HS2ST1: variants seen among roughly 807,000 people sequenced by gnomAD.
HS2ST1 encodes 2-O-sulfotransferase.
In HS2ST1, 18 loss-of-function variants were observed where a neutral mutation model predicts 42.9. That is an observed-to-expected ratio of 0.42 (90% CI 0.29 to 0.62). The LOEUF (loss-of-function observed/expected upper bound fraction) is 0.62, where lower values mean the gene tolerates loss of function less well. Ranked by LOEUF, HS2ST1 falls within the 20% of genes least tolerant of loss-of-function variation. HS2ST1 has a pLI of 0.21. For missense variants in HS2ST1, 334 were observed against 433.8 expected (o/e 0.77, Z 2.04); for synonymous variants, 146 against 152.9 (o/e 0.95, Z 0.33).
intron 1 of HS2ST1, among the ~76,000 whole-genome samples, chr1:86,949,912 C>T (rs1008214114): frequency 6.6e-6 from 1 of 152,170 alleles, no homozygotes; most frequent in East Asian, 1.9e-4. Context: ...CTTCATTTAA[C>T]CTCCCCATGG....
At chr1:86,984,638 A>G (rs1648702302) in intron 1 of HS2ST1, among the ~76,000 whole-genome samples, 1 of 152,178 alleles carries the variant, frequency 6.6e-6, no homozygotes, top group African/African-American at 2.4e-5. Context: ...TAATCCCAGC[A>G]CTTTGGGAGG....
At chr1:87,071,318 C>T (rs1651397777) in intron 1 of HS2ST1, among the ~76,000 whole-genome samples, 1 of 152,174 alleles carries the variant, frequency 6.6e-6, no homozygotes, top group Non-Finnish European at 1.5e-5. Flanking sequence ...CATTGCTTTT[C>T]ATCTTACTTT....
At chr1:86,976,721 T>TATATATATATA (rs61660936) in intron 1 of HS2ST1, among the ~76,000 whole-genome samples, 29 of 135,630 alleles carry the variant, frequency 2.1e-4, no homozygotes, top group East Asian at 9.2e-4. Flanking sequence ...TATATATATA[T>TATATATATATA]TTTAAATGCC....
At chr1:87,035,270 A>G (rs1330975794) in intron 1 of HS2ST1, among the ~76,000 whole-genome samples, 2 of 152,230 alleles carry the variant, frequency 1.3e-5, no homozygotes, top group African/African-American at 4.8e-5. Context: ...TTACAGCAGC[A>G]GTAGGAACTA....
chr1:87,065,376 C>T (rs1293870958), intron 1 of HS2ST1, among the ~76,000 whole-genome samples: 3 of 152,188 alleles, frequency 2.0e-5, no homozygotes, highest in Non-Finnish European at 4.4e-5. Flanking sequence ...ATTGATATGC[C>T]AAGGCTCCTC....
chr1:86,920,633 G>A (rs1467966869), intron 1 of HS2ST1, among the ~76,000 whole-genome samples: 2 of 152,130 alleles, frequency 1.3e-5, no homozygotes, highest in African/African-American at 2.4e-5. Flanking sequence ...TTGGCACTTA[G>A]AGAAATTGAA....
chr1:87,058,298 C>A (rs1651028210), intron 1 of HS2ST1, among the ~76,000 whole-genome samples: 1 of 151,696 alleles, frequency 6.6e-6, no homozygotes, highest in Non-Finnish European at 1.5e-5. Context: ...TATTTGAAAG[C>A]CCGTTCTCTC....
At chr1:86,962,125 G>GA (rs935780029) in intron 1 of HS2ST1, among the ~76,000 whole-genome samples, 1 of 152,020 alleles carries the variant, frequency 6.6e-6, no homozygotes, top group Non-Finnish European at 1.5e-5. Context: ...AAATAAGAAG[G>GA]AAAAACATCT....
chr1:87,024,189 C>T (rs1052188608), intron 1 of HS2ST1, among the ~76,000 whole-genome samples: 1 of 151,936 alleles, frequency 6.6e-6, no homozygotes, highest in Non-Finnish European at 1.5e-5. Flanking sequence ...ATTGAGAGAT[C>T]AGTAGTCATT....
chr1:87,041,225 T>TAAA lies in HS2ST1; in HGVS notation c.125-31696_125-31694dup, dbSNP rs1174731806. 6.0e-4 allele frequency among the ~76,000 whole-genome samples: 15 copies of TAAA among 24,868 alleles called. 2 individuals are homozygous for TAAA. Among genetic ancestry groups the TAAA allele is most frequent in the Non-Finnish European group, 1.1e-3 (13 of 11,896 alleles). 16.3% of individuals were successfully genotyped at this position (24,868 alleles called of 152,430 possible). On this transcript the variant is annotated intron_variant, in intron 1 of 6. Coordinates refer to ENST00000370550, the MANE Select transcript of HS2ST1 (RefSeq NM_012262.4). ...AAAAATAGCGAGACCTTGTCTCTACTAAAAAAAAAAAAAAACAAAAAAAAA... is the reference window on the plus strand; with the variant it reads ...AAAAATAGCGAGACCTTGTCTCTACTAAAAAAAAAAAAAAAAAACAAAAAAAAA...
chr1:86,947,546 A>G (rs938905967), intron 1 of HS2ST1, among the ~76,000 whole-genome samples: 10 of 148,978 alleles, frequency 6.7e-5, no homozygotes, highest in African/African-American at 2.2e-4. Flanking sequence ...AAATTCCTTT[A>G]TGCCAAATGG....
rs543516569 is a variant in HS2ST1, at chr1:86,999,962, A to T, written c.125-72972A>T. Among the ~76,000 whole-genome samples, 306 of 152,316 alleles carry T rather than the reference A, an allele frequency of 2.0e-3. 1 individual carries two copies. The highest frequency in any genetic ancestry group is 3.1e-3 in the Non-Finnish European group (209 of 68,026). On this transcript the variant is annotated intron_variant, in intron 1 of 6. Transcript: ENST00000370550. ...GCAGTAATATTCCAAATGATTAGTT[A>T]TGCCAAAAAAAGGGAGAAAATAGTT...
At chr1:87,064,589 C>A (rs1451550381) in intron 1 of HS2ST1, 3 of 509,534 alleles carry the variant, frequency 5.9e-6, no homozygotes, top group African/African-American at 1.9e-5. Flanking sequence ...TGTTCAGAAT[C>A]TCTCTACCTT....
intron 2 of HS2ST1, among the ~76,000 whole-genome samples, chr1:87,075,176 T>A (rs1220890383): frequency 6.9e-6 from 1 of 144,108 alleles, no homozygotes; most frequent in Non-Finnish European, 1.5e-5. Context: ...TTTTTTTTTT[T>A]TTTTTTTTTG....
intron 1 of HS2ST1, among the ~76,000 whole-genome samples, chr1:86,929,660 A>G (rs931469483): frequency 4.0e-5 from 6 of 151,808 alleles, no homozygotes; most frequent in African/African-American, 1.4e-4. Context: ...GTATACATAT[A>G]TAAAATAACT....
chr1:87,083,727 A>G (rs1651746693), intron 2 of HS2ST1, among the ~76,000 whole-genome samples: 1 of 152,148 alleles, frequency 6.6e-6, no homozygotes, highest in Non-Finnish European at 1.5e-5. Flanking sequence ...CACCTTTTTA[A>G]AAATCATTTT....
At chr1:87,008,899 A>G (rs745424117) in intron 1 of HS2ST1, among the ~76,000 whole-genome samples, 9 of 152,156 alleles carry the variant, frequency 5.9e-5, no homozygotes, top group Non-Finnish European at 1.2e-4. Flanking sequence ...GCTAGAGTGC[A>G]GTGGTGCAAT....
At chr1:87,025,491 A>G (rs1650060452) in intron 1 of HS2ST1, among the ~76,000 whole-genome samples, 3 of 152,242 alleles carry the variant, frequency 2.0e-5, no homozygotes, top group Admixed American at 2.0e-4. Context: ...AGCAGAGTAT[A>G]AAAGGGTAAA....
chr1:86,948,902 A>C (rs1647419266), intron 1 of HS2ST1, among the ~76,000 whole-genome samples: 1 of 152,164 alleles, frequency 6.6e-6, no homozygotes, highest in Non-Finnish European at 1.5e-5. Context: ...AAATTTCTTA[A>C]AAAGGTTTGT....
Sources: allele counts gnomAD v4.1 joint callset (sites outside exome capture counted in the v4.1 genomes callset), GRCh38; gene constraint gnomAD v4.1.1; transcripts MANE v1.5; gene names NCBI Gene and HGNC (gene_info 2026-07-23, HGNC 2026-07-21).